Variants in TEX29 observed in about 807,000 individuals in gnomAD.
The protein encoded by TEX29 is testis expressed 29, also known as testis-expressed protein 29.
In TEX29, 26 loss-of-function variants were observed where a neutral mutation model predicts 18.2. That is an observed-to-expected ratio of 1.43 (90% CI 1.04 to 1.98). TEX29 has a LOEUF of 1.98. Among genes scored for constraint, TEX29 ranks in the 30% most tolerant of loss-of-function variants. The probability of loss-of-function intolerance (pLI) is 0.00; values close to 1 mark genes in which losing one functional copy is unlikely to be tolerated. For missense variants in TEX29, 177 were observed against 194.2 expected (o/e 0.91, Z 0.53); for synonymous variants, 83 against 78.5 (o/e 1.06, Z -0.31).
chr13:111,325,195 C>T (rs929470638), intron 2 of TEX29, among the ~76,000 whole-genome samples: 3 of 152,204 alleles, frequency 2.0e-5, no homozygotes, highest in African/African-American at 4.8e-5. Flanking sequence ...GTGGTTGCCC[C>T]GCCATCCTGA....
rs1275098053 is a variant in TEX29, at chr13:111,324,695, G to A, written c.59-3488G>A. Among the ~76,000 whole-genome samples the A allele has an allele frequency of 3.9e-5, 6 of 152,250 alleles. No individual in the cohort carries two copies. The South Asian group carries it at 8.3e-4, about 21-fold the overall frequency. On this transcript the variant is annotated intron_variant, in intron 2 of 5. Coordinates refer to ENST00000283547, the MANE Select transcript of TEX29 (RefSeq NM_152324.3). Reference sequence around the variant, plus strand: ...CGTCAGCCACACTTAAAATGGTGACGCCTCCCCACCTGGATCATCAGCCAC... The same window carrying A: ...CGTCAGCCACACTTAAAATGGTGACACCTCCCCACCTGGATCATCAGCCAC...
At chr13:111,339,753 AGCCGC>A in intron 3 of TEX29, 105 bp from the exon 4 acceptor site, 3 of 1,022,840 alleles carry the variant, frequency 2.9e-6, no homozygotes, top group Non-Finnish European at 4.5e-6. Context: ...GACCATGGGC[AGCCGC>A]GCCGGGAGGG....
chr13:111,339,837 T>C, intron 3 of TEX29, 26 bp from the exon 4 acceptor site: 1 of 1,611,362 alleles, frequency 6.2e-7, no homozygotes, highest in Non-Finnish European at 8.5e-7. Flanking sequence ...TGGATCGAAA[T>C]GACTTCAAAT....
chr13:111,344,172 G>C lies in TEX29; in HGVS notation c.*49G>C, dbSNP rs116905328. ...ATTGTCAGAATTATCCAAATGAAATGGTACAGCAGGTGCACTGTTAACAGT... is the reference window on the plus strand; with the variant it reads ...ATTGTCAGAATTATCCAAATGAAATCGTACAGCAGGTGCACTGTTAACAGT... On this transcript the variant is annotated 3_prime_UTR_variant, in exon 6 of 6. Coordinates refer to ENST00000283547, the MANE Select transcript of TEX29 (RefSeq NM_152324.3). 15,802 of 1,488,500 alleles carry C rather than the reference G, an allele frequency of 0.011. 109 individuals carry two copies. The highest frequency in any genetic ancestry group is 0.019 in the South Asian group (1,707 of 87,808). 92.2% of individuals were successfully genotyped at this position (1,488,500 alleles called of 1,614,324 possible).
intron 3 of TEX29, among the ~76,000 whole-genome samples, chr13:111,335,495 C>T (rs555105512): frequency 2.0e-5 from 3 of 152,342 alleles, no homozygotes; most frequent in Admixed American, 6.5e-5. Context: ...TGCATTGGCA[C>T]TTGTCATCAT....
chr13:111,328,831 T>C (rs1240045861), intron 3 of TEX29, among the ~76,000 whole-genome samples: 6 of 151,624 alleles, frequency 4.0e-5, no homozygotes, highest in African/African-American at 1.5e-4. Flanking sequence ...CGGGGTGAAG[T>C]GAGGACAACA....
chr13:111,330,809 A>T (rs989950377), intron 3 of TEX29, among the ~76,000 whole-genome samples: 3 of 152,082 alleles, frequency 2.0e-5, no homozygotes, highest in Non-Finnish European at 4.4e-5. Flanking sequence ...TATAAATGGA[A>T]CCACATGATT....
chr13:111,333,332 A>T (rs971575333), intron 3 of TEX29, among the ~76,000 whole-genome samples: 4 of 152,094 alleles, frequency 2.6e-5, no homozygotes, highest in Non-Finnish European at 5.9e-5. Context: ...CTCCCTCTGG[A>T]CTTTCATTAT....
At chr13:111,331,896 T>C (rs2093683273) in intron 3 of TEX29, among the ~76,000 whole-genome samples, 1 of 152,240 alleles carries the variant, frequency 6.6e-6, no homozygotes, top group South Asian at 2.1e-4. Flanking sequence ...TTCTCAATTC[T>C]ATTCTGTTCA....
chr13:111,342,557 CA>C (rs34305274), intron 4 of TEX29, among the ~76,000 whole-genome samples, 198 bp from the exon 5 acceptor site: 1,143 of 75,294 alleles, frequency 0.015, 13 homozygotes, highest in African/African-American at 0.043. Flanking sequence ...AAAACTGTCT[CA>C]AAAAAAAAAA....
At chr13:111,333,283 C>T (rs755582549) in intron 3 of TEX29, among the ~76,000 whole-genome samples, 9 of 152,128 alleles carry the variant, frequency 5.9e-5, no homozygotes, top group Non-Finnish European at 1.0e-4. Context: ...AAGTTTTTAC[C>T]ATTATTTCTT....
chr13:111,343,810 C>T (rs557116835), intron 5 of TEX29, among the ~76,000 whole-genome samples: 6 of 152,254 alleles, frequency 3.9e-5, no homozygotes, highest in South Asian at 2.1e-4. Context: ...ACTGAGGCTG[C>T]GTCTGTGCAA....
upstream of TEX29, among the ~76,000 whole-genome samples, chr13:111,317,525 C>T (rs998041774): frequency 1.1e-4 from 17 of 152,098 alleles, no homozygotes; most frequent in Admixed American, 2.0e-4. Context: ...CTCCGGCCTT[C>T]GTGTTGTTTT....
intron 3 of TEX29, 76 bp downstream of exon 3, chr13:111,328,369 C>CT: frequency 2.0e-6 from 2 of 988,030 alleles, no homozygotes; most frequent in Non-Finnish European, 3.2e-6. Context: ...CCCTGCCTGT[C>CT]TCCCTTCCTC....
rs1337786550 is a variant in TEX29 at position 111,327,284 on chromosome 13, TG to T, written c.59-898del. ...TTGCAAACCTGGAATGGGGGTGTCT[TG>T]AGAAGGGGAACCTGAAAGACTAAAT... On this transcript the variant is annotated intron_variant, in intron 2 of 5. Coordinates refer to ENST00000283547, the MANE Select transcript of TEX29 (RefSeq NM_152324.3). 4.6e-5 allele frequency among the ~76,000 whole-genome samples: 7 copies of T among 152,282 alleles called. No individual in the cohort carries two copies. In the East Asian group the frequency reaches 1.4e-3, roughly 29 times the overall value.
chr13:111,342,700 T>C (rs993307276), intron 4 of TEX29, 56 bp from the exon 5 acceptor site: 1 of 1,568,192 alleles, frequency 6.4e-7, no homozygotes, highest in Non-Finnish European at 8.7e-7. Context: ...AGGGAGGAAC[T>C]GGAGAGTTTT....
intron 3 of TEX29, among the ~76,000 whole-genome samples, chr13:111,337,459 A>G (rs976132698): frequency 6.6e-6 from 1 of 151,968 alleles, no homozygotes; most frequent in Non-Finnish European, 1.5e-5. Context: ...TGAGGGCTGC[A>G]GTCTTTCCCA....
intron 3 of TEX29, among the ~76,000 whole-genome samples, chr13:111,331,288 A>G (rs536314487): frequency 1.4e-5 from 2 of 145,598 alleles, no homozygotes; most frequent in South Asian, 2.1e-4. Flanking sequence ...ATATTATTCT[A>G]ATGAATAATG....
rs567318561 is a variant in TEX29, at chr13:111,327,231, CAG to C, written c.59-949_59-948del. 1.8e-4 allele frequency among the ~76,000 whole-genome samples: 27 copies of C among 152,348 alleles called. 1 individual carries two copies. In the South Asian group the frequency reaches 4.1e-3, roughly 23 times the overall value. ...GCTCCCGTGTCCATGATGCTTCTGA[CAG>C]AGGATGAGGGCTGCAGCCGCAGCAT... is the stretch of plus-strand genomic sequence containing the variant. On this transcript the variant is annotated intron_variant, in intron 2 of 5. Transcript: ENST00000283547.
Sources: gnomAD v4.1 joint callset for allele counts (sites outside exome capture counted in the v4.1 genomes callset) on GRCh38, gnomAD v4.1.1 for gene constraint, MANE v1.5 for transcripts, NCBI Gene and HGNC (gene_info 2026-07-23, HGNC 2026-07-21) for gene names.